The following AK9 variants were observed in gnomAD, a reference collection of about 807,000 sequenced individuals.
AK9 encodes the protein adenylate kinase 9, also known as adenylate kinase domain containing 1.
AK9 carries 191 observed loss-of-function variants against 239.6 expected under a neutral mutation model. The observed-to-expected ratio is 0.80, with a 90% CI of 0.71 to 0.90. The LOEUF is 0.90. AK9 is among the 40% of genes least tolerant of loss of function. The pLI is 0.00. For synonymous variants in AK9, 689 were observed against 721.0 expected, an observed-to-expected ratio of 0.96 and a Z score of 0.71; for missense variants, 1,995 against 2,214.7, an observed-to-expected ratio of 0.90 and a Z score of 1.99.
intron 20 of AK9, chr6:109,579,240 T>C (rs2357127): frequency 0.71 from 151,208 of 212,716 alleles, 54,658 homozygotes; most frequent in East Asian, 0.99. Context: ...TCAAGAGCAA[T>C]GATTTAAAGA....
At chr6:109,598,575 C>T (rs1488537949) in intron 17 of AK9, among the ~76,000 whole-genome samples, 3 of 152,116 alleles carry the variant, frequency 2.0e-5, no homozygotes, top group Non-Finnish European at 2.9e-5. Flanking sequence ...TTATAATCCT[C>T]TGGGTATACA....
intron 20 of AK9, among the ~76,000 whole-genome samples, chr6:109,574,332 T>C (rs989378487): frequency 1.3e-5 from 2 of 152,016 alleles, no homozygotes; most frequent in Non-Finnish European, 2.9e-5. Context: ...TGAGATTGTG[T>C]CACTGCACTC....
At chr6:109,640,789 C>T (rs1483151762) in intron 10 of AK9, among the ~76,000 whole-genome samples, 1 of 152,070 alleles carries the variant, frequency 6.6e-6, no homozygotes, top group Non-Finnish European at 1.5e-5. Flanking sequence ...GTTAAAACTC[C>T]TTGTGGCACT....
intron 29 of AK9, among the ~76,000 whole-genome samples, chr6:109,522,415 C>T (rs1779965043): frequency 6.6e-6 from 1 of 151,894 alleles, no homozygotes; most frequent in Non-Finnish European, 1.5e-5. Flanking sequence ...TGGATGTTGA[C>T]CTTCCTGGAT....
At chr6:109,639,272 T>A (rs1158201911) in intron 10 of AK9, among the ~76,000 whole-genome samples, 2 of 152,240 alleles carry the variant, frequency 1.3e-5, no homozygotes, top group East Asian at 1.9e-4. Context: ...CCACCAACGG[T>A]GTAAAAGTGT....
chr6:109,516,376 T>C, intron 30 of AK9, 54 bp downstream of exon 30: 2 of 1,457,476 alleles, frequency 1.4e-6, no homozygotes, highest in Non-Finnish European at 1.9e-6. Context: ...ATTGCTTTAG[T>C]CTGATTCTCA....
intron 10 of AK9, among the ~76,000 whole-genome samples, chr6:109,637,833 G>A (rs1796913937): frequency 6.6e-6 from 1 of 152,182 alleles, no homozygotes. Flanking sequence ...GGCTCCTTTG[G>A]TGTCCCAAGA....
At chr6:109,617,473 A>G (rs1381977916) in intron 13 of AK9, among the ~76,000 whole-genome samples, 1 of 152,132 alleles carries the variant, frequency 6.6e-6, no homozygotes, top group East Asian at 1.9e-4. Context: ...AAATATCAAT[A>G]GAATAGAAAT....
chr6:109,642,238 C>T (rs554794438), intron 9 of AK9, among the ~76,000 whole-genome samples: 13 of 152,256 alleles, frequency 8.5e-5, no homozygotes, highest in Admixed American at 2.0e-4. Context: ...TTTTAAGCTA[C>T]CAGTTTGTGG....
intron 17 of AK9, among the ~76,000 whole-genome samples, chr6:109,587,285 A>G (rs1789626711): frequency 1.3e-5 from 2 of 152,166 alleles, no homozygotes. Flanking sequence ...TTTTCAAACA[A>G]TTTTACAATG....
intron 1 of AK9, among the ~76,000 whole-genome samples, chr6:109,679,760 C>T (rs927271490): frequency 6.6e-6 from 1 of 152,196 alleles, no homozygotes; most frequent in East Asian, 1.9e-4. Flanking sequence ...GAGGAAGGAA[C>T]AGGCAGCAAT....
At chr6:109,554,778 C>T (rs887769288) in intron 24 of AK9, among the ~76,000 whole-genome samples, 15 of 152,036 alleles carry the variant, frequency 9.9e-5, no homozygotes, top group Non-Finnish European at 1.5e-4. Flanking sequence ...GTGATCTGCC[C>T]GCCTTGGCCT....
chr6:109,517,927 C>A (rs1779432538), intron 29 of AK9, among the ~76,000 whole-genome samples: 1 of 152,040 alleles, frequency 6.6e-6, no homozygotes, highest in South Asian at 2.1e-4. Context: ...TGCCCTCCAG[C>A]CTGAAACCTG....
chr6:109,662,565 T>C lies in AK9; in HGVS notation c.430A>G (p.Ile144Val). 3 of 1,553,976 alleles carry C rather than the reference T, an allele frequency of 1.9e-6. No homozygotes were observed. The highest frequency in any genetic ancestry group is 1.4e-5 in the African/African-American group (1 of 72,434). The change falls in exon 6 of 41, where the codon ATA (isoleucine) becomes GTA (valine). Residue 144 changes from isoleucine to valine, a missense_variant. Physicochemically the swap from Ile to Val is conservative, Grantham distance 29. Around this residue, in one of 5 missense-constraint regions of AK9, gnomAD observed 252 missense variants for 246.4 expected, o/e 1.02. Coordinates refer to ENST00000424296, the MANE Select transcript of AK9 (RefSeq NM_001145128.3). ...IKNLNLKPDV[I>V]INIKCPDYDL... ...AATATCCTTACCTTTATATTGATTA[T>C]AACATCAGGTTTCAGGTTTAAGTTT...
At chr6:109,641,397 A>G in intron 10 of AK9, 121 bp downstream of exon 10, 1 of 573,358 alleles carries the variant, frequency 1.7e-6, no homozygotes, top group South Asian at 2.2e-5. Flanking sequence ...TAGGTCATCC[A>G]GGCTGGTCTC....
chr6:109,568,796 G>T (rs926275064), intron 21 of AK9, among the ~76,000 whole-genome samples: 1 of 152,006 alleles, frequency 6.6e-6, no homozygotes, highest in East Asian at 1.9e-4. Flanking sequence ...AAACAAATGG[G>T]AGAACATTCC....
At chr6:109,671,042 C>T (rs1186020559) in intron 5 of AK9, among the ~76,000 whole-genome samples, 2 of 152,124 alleles carry the variant, frequency 1.3e-5, no homozygotes, top group Non-Finnish European at 2.9e-5. Context: ...TGTATCATCT[C>T]TCTATACACA....
chr6:109,502,182 C>G (rs1014899076), intron 35 of AK9, among the ~76,000 whole-genome samples: 7 of 152,248 alleles, frequency 4.6e-5, no homozygotes, highest in Non-Finnish European at 8.8e-5. Flanking sequence ...TTCGAATAAA[C>G]AGAATATGGC....
chr6:109,675,797 G>T (rs760393185), intron 1 of AK9, 41 bp from the exon 2 acceptor site: 1 of 1,161,366 alleles, frequency 8.6e-7, no homozygotes, highest in Non-Finnish European at 1.2e-6. Context: ...TGTCTAATTT[G>T]GTTGGATGAG....
Sources: allele counts gnomAD v4.1 joint callset (sites outside exome capture counted in the v4.1 genomes callset), GRCh38; gene constraint gnomAD v4.1.1; regional missense constraint gnomAD v4.1.1; transcripts MANE v1.5; gene names NCBI Gene and HGNC (gene_info 2026-07-23, HGNC 2026-07-21).